The following WDPCP variants were observed in gnomAD, a reference collection of about 807,000 sequenced individuals.
WDPCP encodes WD repeat-containing and planar cell polarity effector protein fritz homolog.
In WDPCP, 71 loss-of-function variants were observed where a neutral mutation model predicts 93.1. The observed-to-expected ratio is 0.76, with a 90% CI of 0.63 to 0.93. The LOEUF is 0.93. Among genes scored for constraint, WDPCP ranks in the 40% least tolerant of loss-of-function variants. WDPCP has a pLI of 0.00. For missense variants in WDPCP, 844 were observed against 887.4 expected (o/e 0.95, Z 0.62); for synonymous variants, 315 against 315.0 (o/e 1.00, Z 0.00).
At chr2:63,754,167 T>A (rs1669923053) in intron 2 of WDPCP, among the ~76,000 whole-genome samples, 1 of 152,170 alleles carries the variant, frequency 6.6e-6, no homozygotes, top group African/African-American at 2.4e-5. Context: ...CTGTTGTGGG[T>A]CATCTATGGA....
chr2:63,716,495 TG>T (rs559651972), intron 2 of WDPCP, among the ~76,000 whole-genome samples: 13 of 152,346 alleles, frequency 8.5e-5, no homozygotes, highest in Non-Finnish European at 1.5e-4. Flanking sequence ...ATCTCTATGA[TG>T]GGGGAGCCCA....
At chr2:63,804,497 C>T (rs867926570) in intron 2 of WDPCP, among the ~76,000 whole-genome samples, 2 of 151,626 alleles carry the variant, frequency 1.3e-5, no homozygotes, top group Non-Finnish European at 2.9e-5. Flanking sequence ...CCTCGTGATC[C>T]ACCAGCCTCG....
chr2:63,719,468 T>C (rs1490326838), intron 2 of WDPCP, among the ~76,000 whole-genome samples: 2 of 152,172 alleles, frequency 1.3e-5, no homozygotes, highest in Non-Finnish European at 2.9e-5. Context: ...AGGCCAAGAA[T>C]GGATCTGATG....
At chr2:63,186,152 G>A (rs1674624357) in intron 14 of WDPCP, among the ~76,000 whole-genome samples, 1 of 152,204 alleles carries the variant, frequency 6.6e-6, no homozygotes, top group African/African-American at 2.4e-5. Flanking sequence ...CCTGGCATGA[G>A]CTGGGGCACT....
intron 17 of WDPCP, among the ~76,000 whole-genome samples, chr2:63,147,628 A>C (rs1671605689): frequency 6.6e-6 from 1 of 152,222 alleles, no homozygotes; most frequent in African/African-American, 2.4e-5. Flanking sequence ...TGTTGCTAAC[A>C]GTAAGATGTT....
chr2:63,216,682 A>G (rs554430913), intron 14 of WDPCP, among the ~76,000 whole-genome samples: 3 of 152,222 alleles, frequency 2.0e-5, no homozygotes, highest in African/African-American at 7.2e-5. Flanking sequence ...CATTGGGTAC[A>G]TGTACCCTAG....
At chr2:63,148,592 G>GA (rs1671682062) in intron 17 of WDPCP, among the ~76,000 whole-genome samples, 3 of 151,426 alleles carry the variant, frequency 2.0e-5, no homozygotes. Context: ...GGCCTCACGT[G>GA]ATCCACCCAC....
At chr2:63,265,281 G>A (rs1210226424) in intron 13 of WDPCP, among the ~76,000 whole-genome samples, 1 of 151,832 alleles carries the variant, frequency 6.6e-6, no homozygotes, top group Non-Finnish European at 1.5e-5. Context: ...CTAAACTTTT[G>A]GTAAACTAAC....
At chr2:63,314,263 C>A (rs1474131410) in intron 12 of WDPCP, among the ~76,000 whole-genome samples, 1 of 151,778 alleles carries the variant, frequency 6.6e-6, no homozygotes, top group Non-Finnish European at 1.5e-5. Context: ...ACCTCCTGGG[C>A]TCAGATGATC....
chr2:63,543,542 A>T (rs1304666597), intron 1 of WDPCP, among the ~76,000 whole-genome samples: 1 of 152,056 alleles, frequency 6.6e-6, no homozygotes, highest in East Asian at 1.9e-4. Context: ...CCAAATTAAG[A>T]CTTAAGGCTT....
In WDPCP at chr2:63,696,922, A is replaced by C. The variant is rs147912283; in HGVS notation, n.309-46084T>G. ...GGTAAAACATAGTTCTTCCATCCCCATCACTGCATTCCTCCCCTACCTGGT... is the reference window on the plus strand; with the variant it reads ...GGTAAAACATAGTTCTTCCATCCCCCTCACTGCATTCCTCCCCTACCTGGT... On this transcript the variant is annotated intron_variant and non_coding_transcript_variant, in intron 2 of 4. Transcript: ENST00000467687. Among the ~76,000 whole-genome samples the C allele has an allele frequency of 1.6e-4, 25 of 152,338 alleles. No individual in the cohort carries two copies. In the East Asian group the frequency reaches 4.8e-3, roughly 29 times the overall value.
rs1669497979 is a variant in WDPCP, at chr2:63,120,630, C to T, written c.*1376G>A. ...CAGCCTCCGCCCTCCGGGTTCACGCCATTCTCCTGCTTCAGCCTCCCAAGT... is the reference window on the plus strand; with the variant it reads ...CAGCCTCCGCCCTCCGGGTTCACGCTATTCTCCTGCTTCAGCCTCCCAAGT... On this transcript the variant is annotated 3_prime_UTR_variant, in exon 18 of 18. Coordinates refer to ENST00000272321, the MANE Select transcript of WDPCP (RefSeq NM_015910.7). 2.0e-5 allele frequency among the ~76,000 whole-genome samples: 3 copies of T among 150,800 alleles called. No individual in the cohort carries two copies.
At chr2:63,306,605 G>C (rs1000057685) in intron 13 of WDPCP, among the ~76,000 whole-genome samples, 1 of 152,066 alleles carries the variant, frequency 6.6e-6, no homozygotes, top group Admixed American at 6.6e-5. Context: ...ATAAATAAAC[G>C]TAATCCATCA....
intron 12 of WDPCP, among the ~76,000 whole-genome samples, chr2:63,316,728 T>C (rs1259518771): frequency 1.3e-5 from 2 of 151,966 alleles, no homozygotes; most frequent in African/African-American, 4.8e-5. Context: ...AAGGCATCTA[T>C]TAATAAATAG....
At chr2:63,833,125 C>T in the WDPCP span, among the ~76,000 whole-genome samples, 1 of 152,202 alleles carries the variant, frequency 6.6e-6, no homozygotes, top group Non-Finnish European at 1.5e-5. Flanking sequence ...TGGTGGCAGG[C>T]GCCTGTAATC....
intron 2 of WDPCP, among the ~76,000 whole-genome samples, chr2:63,773,427 A>G (rs527798134): frequency 6.6e-6 from 1 of 152,116 alleles, no homozygotes; most frequent in Admixed American, 6.6e-5. Context: ...ACCAATTACC[A>G]TTTAGAAAGC....
intron 12 of WDPCP, among the ~76,000 whole-genome samples, chr2:63,328,178 A>G (rs1052648122): frequency 4.5e-5 from 5 of 110,028 alleles, no homozygotes; most frequent in Non-Finnish European, 7.4e-5. Context: ...TAAACACCCC[A>G]ATAAGCACTC....
At chr2:63,167,443 A>G (rs1012887368) in intron 15 of WDPCP, among the ~76,000 whole-genome samples, 2 of 152,078 alleles carry the variant, frequency 1.3e-5, no homozygotes, top group African/African-American at 2.4e-5. Context: ...TTACTTAAAT[A>G]CATCCCATAT....
chr2:63,704,266 C>A (rs547956702), intron 2 of WDPCP, among the ~76,000 whole-genome samples: 313 of 152,300 alleles, frequency 2.1e-3, no homozygotes, highest in African/African-American at 7.0e-3. Context: ...TTGACTTCCT[C>A]TTTTCCTAAT....
Sources: allele counts gnomAD v4.1 joint callset (sites outside exome capture counted in the v4.1 genomes callset), GRCh38; gene constraint gnomAD v4.1.1; transcripts MANE v1.5; gene names NCBI Gene and HGNC (gene_info 2026-07-23, HGNC 2026-07-21).